Variants in ANTXRL observed in about 807,000 individuals in gnomAD.
The protein encoded by ANTXRL is anthrax toxin receptor-like.
In ANTXRL, 63 loss-of-function variants were observed where a neutral mutation model predicts 75.4. The observed-to-expected ratio is 0.84, with a 90% CI of 0.68 to 1.03. The LOEUF is 1.03. ANTXRL is among the 50% of genes least tolerant of loss of function. The pLI, the probability that ANTXRL is intolerant of heterozygous loss-of-function variation, is 0.00. For synonymous variants in ANTXRL, 335 were observed against 291.3 expected, an observed-to-expected ratio of 1.15 and a Z score of -1.53; for missense variants, 797 against 789.4, an observed-to-expected ratio of 1.01 and a Z score of -0.12.
chr10:46,288,007 C>T (rs186393046), intron 1 of ANTXRL, among the ~76,000 whole-genome samples: 3 of 152,230 alleles, frequency 2.0e-5, no homozygotes, highest in African/African-American at 7.2e-5. Context: ...TTCTAAGTGC[C>T]TCTTCTGCAA....
intron 3 of ANTXRL, 80 bp downstream of exon 3, chr10:46,293,980 A>G: frequency 1.5e-6 from 2 of 1,365,308 alleles, no homozygotes; most frequent in Non-Finnish European, 2.0e-6. Flanking sequence ...GGGCTCCCGG[A>G]GACCTTGGTT....
At chr10:46,292,020 G>T in intron 1 of ANTXRL, 38 bp from the exon 2 acceptor site, 2 of 1,525,926 alleles carry the variant, frequency 1.3e-6, no homozygotes, top group Non-Finnish European at 1.8e-6. Context: ...TCGGAGAGAT[G>T]CACTCATCTC....
chr10:46,325,495 G>A (rs1839170711), intron 16 of ANTXRL, among the ~76,000 whole-genome samples: 1 of 152,050 alleles, frequency 6.6e-6, no homozygotes. Context: ...TTCAGCTAAG[G>A]CCACCAATTC....
At chr10:46,295,924 C>G (rs1837350686) in intron 3 of ANTXRL, 95 bp from the exon 4 acceptor site, 1 of 987,962 alleles carries the variant, frequency 1.0e-6, no homozygotes, top group South Asian at 1.4e-5. Flanking sequence ...TCCAGGAGGA[C>G]TGGCGCAAAG....
At chr10:46,313,204 C>T in intron 15 of ANTXRL, 32 bp from the exon 16 acceptor site, 2 of 1,527,396 alleles carry the variant, frequency 1.3e-6, no homozygotes, top group Non-Finnish European at 1.8e-6. Context: ...GTCCAAGCTG[C>T]ATGTCTTCCT....
At chr10:46,315,446 G>C (rs1250574968) in intron 16 of ANTXRL, among the ~76,000 whole-genome samples, 1 of 151,308 alleles carries the variant, frequency 6.6e-6, no homozygotes, top group East Asian at 1.9e-4. Flanking sequence ...GACAGGCATA[G>C]GCTGTCTGTC....
chr10:46,292,808 G>C (rs1837053548), intron 2 of ANTXRL: 1 of 153,240 alleles, frequency 6.5e-6, no homozygotes. Context: ...TGATGACTGT[G>C]GGTAAAATGA....
chr10:46,295,997 C>A, intron 3 of ANTXRL, 22 bp from the exon 4 acceptor site: 1 of 1,529,256 alleles, frequency 6.5e-7, no homozygotes, highest in South Asian at 1.2e-5. Context: ...CCAGGTCAAC[C>A]ACCTTTTTAA....
intron 16 of ANTXRL, among the ~76,000 whole-genome samples, chr10:46,327,295 T>C (rs1482368791): frequency 6.6e-6 from 1 of 151,992 alleles, no homozygotes; most frequent in Non-Finnish European, 1.5e-5. Context: ...CTGCCAGCAG[T>C]GCAGAGCTTC....
At chr10:46,328,486 A>G (rs1190175368) in intron 16 of ANTXRL, among the ~76,000 whole-genome samples, 2 of 152,160 alleles carry the variant, frequency 1.3e-5, no homozygotes, top group East Asian at 3.9e-4. Flanking sequence ...AGAAGGAAAA[A>G]GGGAAAGCAG....
intron 16 of ANTXRL, among the ~76,000 whole-genome samples, chr10:46,314,554 T>C (rs182259381): frequency 6.6e-6 from 1 of 151,928 alleles, no homozygotes; most frequent in East Asian, 2.0e-4. Context: ...GGCCTTACTG[T>C]CCAGTGTGGT....
intron 12 of ANTXRL, 45 bp downstream of exon 12, chr10:46,307,525 G>C: frequency 6.7e-7 from 1 of 1,484,438 alleles, no homozygotes; most frequent in Non-Finnish European, 9.1e-7. Flanking sequence ...GGACTGTCCA[G>C]AGCCTCTGCA....
chr10:46,287,328 A>T lies in ANTXRL; in HGVS notation c.66A>T (p.Pro22=), dbSNP rs191694983. The T allele has an allele frequency of 6.5e-7, 1 of 1,535,740 alleles. No individual in the cohort carries two copies. The highest frequency in any genetic ancestry group is 8.7e-7 in the Non-Finnish European group (1 of 1,146,754). The part of the protein sequence containing the change: ...LVFLLLLLLP[P]PLFRAGSLRY... Reference sequence around the variant, plus strand: ...TCCTGCTGCTGCTGCTGCTTCCTCCACCGCTTTTTAGAGCAGGAAGCCTTC... The same window carrying T: ...TCCTGCTGCTGCTGCTGCTTCCTCCTCCGCTTTTTAGAGCAGGAAGCCTTC... The change falls in exon 1 of 17, where the codon CCA becomes CCT. Residue 22 remains proline (P), a synonymous_variant. Transcript: ENST00000620264.
At chr10:46,308,013 A>G (rs1473565583) in intron 12 of ANTXRL, among the ~76,000 whole-genome samples, 1 of 152,080 alleles carries the variant, frequency 6.6e-6, no homozygotes, top group Non-Finnish European at 1.5e-5. Flanking sequence ...CTGGGAATGG[A>G]GATGCTGTGC....
rs1228995653 is a variant in ANTXRL, at chr10:46,306,532, C to T, written c.896-271C>T. Among the ~76,000 whole-genome samples, 3 of 151,414 alleles carry T rather than the reference C, an allele frequency of 2.0e-5. No individual in the cohort carries two copies. The East Asian group carries it at 5.8e-4, about 29-fold the overall frequency. ...TTGCACTCTCTGTCATCTGTTTTGT[C>T]CTGTTTTTTATTTTGTTTTCTGTGT... On this transcript the variant is annotated intron_variant, in intron 10 of 16. Transcript: ENST00000620264.
At chr10:46,320,849 G>A (rs1838945556) in intron 16 of ANTXRL, among the ~76,000 whole-genome samples, 1 of 152,136 alleles carries the variant, frequency 6.6e-6, no homozygotes, top group African/African-American at 2.4e-5. Flanking sequence ...GTACCCTACT[G>A]AATTTAATCT....
At chr10:46,287,962 A>G (rs1179002770) in intron 1 of ANTXRL, among the ~76,000 whole-genome samples, 3 of 152,058 alleles carry the variant, frequency 2.0e-5, no homozygotes, top group African/African-American at 7.2e-5. Context: ...GGGCATTCTA[A>G]TGTCACTGCT....
At chr10:46,313,104 C>T in intron 15 of ANTXRL, 132 bp from the exon 16 acceptor site, 2 of 827,074 alleles carry the variant, frequency 2.4e-6, no homozygotes, top group South Asian at 1.5e-5. Context: ...CAGGCCCCTC[C>T]CCCAGAGGGG....
chr10:46,296,554 C>CG (rs1837389220), intron 5 of ANTXRL, among the ~76,000 whole-genome samples: 3 of 152,004 alleles, frequency 2.0e-5, no homozygotes, highest in Non-Finnish European at 4.4e-5. Flanking sequence ...GGGGTTTGCC[C>CG]CTTGCACACA....
Sources: gnomAD v4.1 joint callset for allele counts (sites outside exome capture counted in the v4.1 genomes callset) on GRCh38, gnomAD v4.1.1 for gene constraint, MANE v1.5 for transcripts, NCBI Gene and HGNC (gene_info 2026-07-23, HGNC 2026-07-21) for gene names.